The following PPP2R2B variants were observed in gnomAD, a reference collection of about 807,000 sequenced individuals.
PPP2R2B encodes serine/threonine-protein phosphatase 2A 55 kDa regulatory subunit B beta isoform.
Under a neutral mutation model 46.0 loss-of-function variants are expected in PPP2R2B, and 5 were observed. The observed-to-expected ratio is 0.11, with a 90% CI of 0.06 to 0.23. The LOEUF is 0.23. PPP2R2B is among the 10% of genes least tolerant of loss of function. PPP2R2B has a pLI of 1.00. For missense variants in PPP2R2B, 367 were observed against 575.0 expected, an observed-to-expected ratio of 0.64 and a Z score of 3.70; for synonymous variants, 215 against 206.7, an observed-to-expected ratio of 1.04 and a Z score of -0.34.
At chr5:147,051,372 C>T (rs1174236625) in intron 1 of PPP2R2B, among the ~76,000 whole-genome samples, 2 of 152,104 alleles carry the variant, frequency 1.3e-5, no homozygotes, top group African/African-American at 4.8e-5. Context: ...TAGCACACAG[C>T]CAGTGGTCCA....
chr5:147,054,270 T>C (rs1421322252), intron 1 of PPP2R2B, among the ~76,000 whole-genome samples: 1 of 152,160 alleles, frequency 6.6e-6, no homozygotes, highest in African/African-American at 2.4e-5. Flanking sequence ...CAATCAGAAA[T>C]ACAAAAGTCA....
At chr5:146,987,558 T>C (rs993916916) in intron 1 of PPP2R2B, among the ~76,000 whole-genome samples, 40 of 151,970 alleles carry the variant, frequency 2.6e-4, no homozygotes, top group African/African-American at 9.4e-4. Context: ...TTATCATCAG[T>C]TTAAAATAGC....
intron 1 of PPP2R2B, among the ~76,000 whole-genome samples, chr5:146,912,512 CTTT>C (rs58947506): frequency 2.6e-4 from 37 of 144,468 alleles, no homozygotes; most frequent in Non-Finnish European, 2.9e-4. Context: ...TTTCTTTTTT[CTTT>C]TTTTTTTTTT....
At chr5:146,753,949 G>C (rs1183068782) in intron 2 of PPP2R2B, among the ~76,000 whole-genome samples, 1 of 151,998 alleles carries the variant, frequency 6.6e-6, no homozygotes, top group Non-Finnish European at 1.5e-5. Flanking sequence ...TGAGCTTCTG[G>C]ATTTTTGCTT....
chr5:146,848,002 T>A (rs1000464125), intron 2 of PPP2R2B, among the ~76,000 whole-genome samples: 2 of 152,158 alleles, frequency 1.3e-5, no homozygotes, highest in African/African-American at 4.8e-5. Flanking sequence ...AGTCACCATA[T>A]CAGGATTTAA....
intron 2 of PPP2R2B, among the ~76,000 whole-genome samples, chr5:146,786,105 A>G (rs1314159751): frequency 6.6e-6 from 1 of 152,200 alleles, no homozygotes; most frequent in African/African-American, 2.4e-5. Flanking sequence ...TGATATGACG[A>G]TTACACATTG....
At chr5:147,013,208 C>A (rs2151879479) in intron 1 of PPP2R2B, among the ~76,000 whole-genome samples, 1 of 115,864 alleles carries the variant, frequency 8.6e-6, no homozygotes, top group East Asian at 2.1e-4. Flanking sequence ...AGGAGAACTA[C>A]AAACCACTGC....
At chr5:146,790,579 G>C (rs1295400852) in intron 2 of PPP2R2B, among the ~76,000 whole-genome samples, 1 of 152,156 alleles carries the variant, frequency 6.6e-6, no homozygotes, top group Non-Finnish European at 1.5e-5. Context: ...ATGAGCATAT[G>C]ATGGGGACTT....
At chr5:146,713,278 G>A (rs966007075) in intron 2 of PPP2R2B, among the ~76,000 whole-genome samples, 1 of 152,120 alleles carries the variant, frequency 6.6e-6, no homozygotes, top group African/African-American at 2.4e-5. Flanking sequence ...GGATCAGTGT[G>A]CCTAGAGCAG....
intron 5 of PPP2R2B, among the ~76,000 whole-genome samples, chr5:146,666,149 G>A (rs1423654742): frequency 1.3e-5 from 2 of 152,164 alleles, no homozygotes; most frequent in Non-Finnish European, 1.5e-5. Context: ...AATATCTGCA[G>A]CTCTTTCAAG....
intron 2 of PPP2R2B, among the ~76,000 whole-genome samples, chr5:146,870,620 C>A (rs1761563134): frequency 6.6e-6 from 1 of 152,110 alleles, no homozygotes; most frequent in South Asian, 2.1e-4. Flanking sequence ...ACTAATACAC[C>A]AAGCACAAAG....
At chr5:146,608,076 T>A (rs1772463683) in intron 7 of PPP2R2B, among the ~76,000 whole-genome samples, 1 of 152,206 alleles carries the variant, frequency 6.6e-6, no homozygotes, top group Non-Finnish European at 1.5e-5. Flanking sequence ...AAAGAAAAGT[T>A]GTGAGTCAGA....
intron 7 of PPP2R2B, among the ~76,000 whole-genome samples, chr5:146,619,107 T>C (rs1041490410): frequency 6.6e-5 from 10 of 152,118 alleles, no homozygotes; most frequent in Admixed American, 6.5e-4. Flanking sequence ...ACTACTCATT[T>C]GCACCAGAGT....
At chr5:146,799,804 G>A (rs928206923) in intron 2 of PPP2R2B, among the ~76,000 whole-genome samples, 1 of 152,186 alleles carries the variant, frequency 6.6e-6, no homozygotes, top group Non-Finnish European at 1.5e-5. Flanking sequence ...AAAGCCAGGA[G>A]GCCCTGGAGA....
rs192030536 is a variant in PPP2R2B, at chr5:146,864,648, G to A, written c.70+13354C>T. Among the ~76,000 whole-genome samples, 544 of 152,230 alleles carry A rather than the reference G, an allele frequency of 3.6e-3. 5 individuals are homozygous for A. Among genetic ancestry groups the A allele is most frequent in the Middle Eastern group, 0.031 (9 of 294 alleles). ...TATAGGTGGGCAACTGAATCCCAGG[G>A]TACAAACTACTCACCCATGTGCTTA... On this transcript the variant is annotated intron_variant, in intron 2 of 9. Coordinates refer to ENST00000394411, the MANE Select transcript of PPP2R2B (RefSeq NM_181675.4).
At chr5:146,897,225 G>C (rs1762674128) in intron 1 of PPP2R2B, among the ~76,000 whole-genome samples, 1 of 152,200 alleles carries the variant, frequency 6.6e-6, no homozygotes, top group Non-Finnish European at 1.5e-5. Context: ...AAAACCTAGA[G>C]AGAGTTAGGA....
intron 6 of PPP2R2B, among the ~76,000 whole-genome samples, chr5:146,648,805 G>A (rs1775749321): frequency 6.6e-6 from 1 of 152,152 alleles, no homozygotes; most frequent in Admixed American, 6.5e-5. Flanking sequence ...TGCAAAGAAT[G>A]GAAGAATAAG....
At chr5:146,618,352 G>A (rs1773393526) in intron 7 of PPP2R2B, among the ~76,000 whole-genome samples, 1 of 152,164 alleles carries the variant, frequency 6.6e-6, no homozygotes, top group Non-Finnish European at 1.5e-5. Context: ...CTCCCCTAGA[G>A]CCTCCAGAAA....
In PPP2R2B at chr5:146,695,215, GCTTTTTA is replaced by G. The variant is rs576264701; in HGVS notation, c.334+2757_334+2763del. ...CAAACAAATTTATTTGTATCTTTTTGCTTTTTACTTTAAAAGACTTAACAGTGGTTCT... is the reference window on the plus strand; with the variant it reads ...CAAACAAATTTATTTGTATCTTTTTGCTTTAAAAGACTTAACAGTGGTTCT... On this transcript the variant is annotated intron_variant, in intron 4 of 9. Coordinates refer to ENST00000394411, the MANE Select transcript of PPP2R2B (RefSeq NM_181675.4). Among the ~76,000 whole-genome samples, 118 of 152,064 alleles carry G rather than the reference GCTTTTTA, an allele frequency of 7.8e-4. No individual in the cohort carries two copies. In the East Asian group the frequency reaches 0.019, roughly 25 times the overall value.
Sources: allele counts gnomAD v4.1 joint callset (sites outside exome capture counted in the v4.1 genomes callset), GRCh38; gene constraint gnomAD v4.1.1; transcripts MANE v1.5; gene names NCBI Gene and HGNC (gene_info 2026-07-23, HGNC 2026-07-21).